CCDC192: variants seen among roughly 807,000 people sequenced by gnomAD.
The protein encoded by CCDC192 is coiled-coil domain-containing protein 192.
At chr5:127,877,520 A>T (rs1311376920) in intron 6 of CCDC192, among the ~76,000 whole-genome samples, 2 of 152,208 alleles carry the variant, frequency 1.3e-5, no homozygotes, top group Non-Finnish European at 2.9e-5. Context: ...AAACTAAGTC[A>T]GTCGACTGAC....
intron 6 of CCDC192, 76 bp downstream of exon 6, chr5:127,875,737 A>G (rs1752051904): frequency 2.5e-6 from 1 of 392,190 alleles, no homozygotes; most frequent in Non-Finnish European, 4.5e-6. Context: ...GCAACGAAGC[A>G]AAAAAAACGA....
chr5:127,866,017 T>C (rs1751594818), intron 5 of CCDC192, among the ~76,000 whole-genome samples: 1 of 151,956 alleles, frequency 6.6e-6, no homozygotes, highest in African/African-American at 2.4e-5. Context: ...AAGAGGAAAA[T>C]CAAGAACAGA....
intron 6 of CCDC192, among the ~76,000 whole-genome samples, chr5:127,887,659 A>T (rs1483389721): frequency 3.3e-5 from 5 of 151,618 alleles, no homozygotes; most frequent in Non-Finnish European, 7.4e-5. Context: ...ATTCATTTTC[A>T]TTTTAAATTA....
At chr5:127,821,210 C>G (rs1749274353) in intron 5 of CCDC192, among the ~76,000 whole-genome samples, 1 of 152,174 alleles carries the variant, frequency 6.6e-6, no homozygotes, top group African/African-American at 2.4e-5. Context: ...TCGACATGGC[C>G]TTTTTTGAGC....
intron 2 of CCDC192, among the ~76,000 whole-genome samples, chr5:127,731,527 T>C (rs1484643537): frequency 6.6e-6 from 1 of 152,120 alleles, no homozygotes; most frequent in Non-Finnish European, 1.5e-5. Flanking sequence ...TTAGAATTCA[T>C]ACAGAACCAA....
intron 5 of CCDC192, among the ~76,000 whole-genome samples, chr5:127,875,018 A>G (rs962834000): frequency 6.6e-6 from 1 of 151,588 alleles, no homozygotes; most frequent in Non-Finnish European, 1.5e-5. Context: ...TACCCTTGAC[A>G]CTTTCCCTGT....
At chr5:127,746,341 C>G (rs532604627) in intron 2 of CCDC192, among the ~76,000 whole-genome samples, 25 of 152,256 alleles carry the variant, frequency 1.6e-4, no homozygotes, top group African/African-American at 5.5e-4. Context: ...AATGTTTGTT[C>G]TTCTTAGCCA....
chr5:127,909,587 G>A (rs1239591321), intron 6 of CCDC192, among the ~76,000 whole-genome samples: 1 of 151,966 alleles, frequency 6.6e-6, no homozygotes, highest in East Asian at 1.9e-4. Context: ...ATCAACAGCT[G>A]TAAAGTGACA....
chr5:127,869,931 G>A (rs1245550563), intron 5 of CCDC192, among the ~76,000 whole-genome samples: 1 of 152,184 alleles, frequency 6.6e-6, no homozygotes, highest in Non-Finnish European at 1.5e-5. Flanking sequence ...TCCAAGATCT[G>A]ACTCTCTTGG....
At chr5:127,921,487 A>T (rs1041624185) in intron 6 of CCDC192, among the ~76,000 whole-genome samples, 8 of 152,244 alleles carry the variant, frequency 5.3e-5, no homozygotes, top group African/African-American at 1.7e-4. Context: ...TAAACAAGGC[A>T]TAAGAAGCTT....
chr5:127,738,843 T>C lies in CCDC192; in HGVS notation c.115-15425T>C, dbSNP rs1239967539. Among the ~76,000 whole-genome samples the C allele has an allele frequency of 2.0e-5, 3 of 152,298 alleles. No individual in the cohort carries two copies. The East Asian group carries it at 5.8e-4, about 29-fold the overall frequency. Reference sequence around the variant, plus strand: ...AGTTACACATTCTTCTAAATTTTTTTCAGTTTTCAACTTCTTTGCCTTTGG... The same window carrying C: ...AGTTACACATTCTTCTAAATTTTTTCCAGTTTTCAACTTCTTTGCCTTTGG... On this transcript the variant is annotated intron_variant, in intron 2 of 6. Coordinates refer to ENST00000514853, the MANE Select transcript of CCDC192 (RefSeq NM_001317938.2).
At chr5:127,755,582 T>G (rs1412843338) in intron 3 of CCDC192, among the ~76,000 whole-genome samples, 2 of 151,558 alleles carry the variant, frequency 1.3e-5, no homozygotes, top group East Asian at 1.9e-4. Context: ...AACTGTTGTT[T>G]TTTTTTTTTT....
In CCDC192 at chr5:127,800,143, G is replaced by C. The variant is rs113324754; in HGVS notation, c.411+1981G>C. 3.8e-4 allele frequency among the ~76,000 whole-genome samples: 58 copies of C among 151,778 alleles called. 1 individual carries two copies. Among genetic ancestry groups the C allele is most frequent in the African/African-American group, 1.3e-3 (55 of 41,396 alleles). ...CTATGTGCCATTTGAGGTATCAAAT[G>C]GTGTTTATAAAGGTTCTATCTCCAA... On this transcript the variant is annotated intron_variant, in intron 5 of 6. Coordinates refer to ENST00000514853, the MANE Select transcript of CCDC192 (RefSeq NM_001317938.2).
chr5:127,729,825 T>A (rs1179339572), intron 2 of CCDC192, among the ~76,000 whole-genome samples: 1 of 151,998 alleles, frequency 6.6e-6, no homozygotes, highest in Non-Finnish European at 1.5e-5. Flanking sequence ...AAACCAATGA[T>A]AACAAAGAAA....
intron 6 of CCDC192, among the ~76,000 whole-genome samples, chr5:127,912,440 A>AAAAAAAAAAAT (rs1753399912): frequency 6.6e-6 from 1 of 150,600 alleles, no homozygotes; most frequent in South Asian, 2.1e-4. Flanking sequence ...AAAAAAAAAA[A>AAAAAAAAAAAT]TGAAGCTGTA....
chr5:127,753,565 G>A (rs751538394), intron 2 of CCDC192, among the ~76,000 whole-genome samples: 101 of 152,076 alleles, frequency 6.6e-4, no homozygotes, highest in Non-Finnish European at 1.0e-3. Context: ...GCATGGTGGC[G>A]CGTGCCTGTA....
intron 6 of CCDC192, among the ~76,000 whole-genome samples, chr5:127,906,341 G>A (rs1244343148): frequency 6.6e-6 from 1 of 152,178 alleles, no homozygotes; most frequent in East Asian, 1.9e-4. Flanking sequence ...GTTGTAGCAT[G>A]TATCAGAATT....
At chr5:127,916,400 C>T (rs755443294) in intron 6 of CCDC192, among the ~76,000 whole-genome samples, 187 of 152,326 alleles carry the variant, frequency 1.2e-3, no homozygotes, top group Non-Finnish European at 2.0e-3. Flanking sequence ...TTCCACAAAT[C>T]ACGAATGTTC....
intron 3 of CCDC192, chr5:127,785,594 GCAT>G (rs1292197620): frequency 6.1e-6 from 1 of 163,718 alleles, no homozygotes; most frequent in Non-Finnish European, 1.4e-5. Context: ...ATGGTTACTG[GCAT>G]CATCATTTGC....
Sources: gnomAD v4.1 joint callset for allele counts (sites outside exome capture counted in the v4.1 genomes callset) on GRCh38, gnomAD v4.1.1 for gene constraint, MANE v1.5 for transcripts, NCBI Gene and HGNC (gene_info 2026-07-23, HGNC 2026-07-21) for gene names.